Variants in FRMD6 observed in about 807,000 individuals in gnomAD.
FRMD6 encodes the protein FERM domain-containing protein 6.
FRMD6 carries 37 observed loss-of-function variants against 73.2 expected under a neutral mutation model. That is an observed-to-expected ratio of 0.51 (90% confidence interval 0.39 to 0.66). The LOEUF (loss-of-function observed/expected upper bound fraction) is 0.66. Ranked by LOEUF, FRMD6 falls within the 30% of genes least tolerant of loss-of-function variation. The pLI, the probability that FRMD6 is intolerant of heterozygous loss-of-function variation, is 0.00. For synonymous variants in FRMD6, 273 were observed against 282.2 expected, an observed-to-expected ratio of 0.97 and a Z score of 0.33; for missense variants, 714 against 780.5, an observed-to-expected ratio of 0.91 and a Z score of 1.02.
chr14:51,543,581 A>T (rs915148949), intron 1 of FRMD6, among the ~76,000 whole-genome samples: 1 of 151,990 alleles, frequency 6.6e-6, no homozygotes, highest in Non-Finnish European at 1.5e-5. Context: ...AGCACCAAAG[A>T]TAGGAAGATA....
chr14:51,634,276 A>C (rs911814900), intron 2 of FRMD6, among the ~76,000 whole-genome samples: 1 of 152,222 alleles, frequency 6.6e-6, no homozygotes, highest in Non-Finnish European at 1.5e-5. Context: ...AATACATCAG[A>C]TTCTTTGCTA....
intron 1 of FRMD6, among the ~76,000 whole-genome samples, chr14:51,659,028 A>G (rs1223940688): frequency 1.3e-5 from 2 of 152,194 alleles, no homozygotes; most frequent in East Asian, 3.8e-4. Context: ...CAAGTTGCTC[A>G]TGAAATTACT....
intron 2 of FRMD6, among the ~76,000 whole-genome samples, chr14:51,645,703 G>A (rs996698009): frequency 1.3e-5 from 2 of 151,990 alleles, no homozygotes; most frequent in African/African-American, 4.8e-5. Context: ...ACCTGCCTTG[G>A]CCTCCCAAAG....
the FRMD6 span, among the ~76,000 whole-genome samples, chr14:51,480,100 T>C: frequency 6.6e-6 from 1 of 152,162 alleles, no homozygotes; most frequent in Non-Finnish European, 1.5e-5. Flanking sequence ...GAGAAGGCAG[T>C]TGCAACATCC....
chr14:51,405,952 T>A, the FRMD6 span, among the ~76,000 whole-genome samples: 7 of 152,268 alleles, frequency 4.6e-5, no homozygotes, highest in East Asian at 7.7e-4. Context: ...TCTTCCAGGG[T>A]TTTTACAGTT....
In FRMD6 at chr14:51,715,510, G is replaced by T; in HGVS notation, c.1024+11G>T. The T allele has an allele frequency of 6.3e-7, 1 of 1,584,846 alleles. No homozygotes were observed. Among genetic ancestry groups the T allele is most frequent in the South Asian group, 1.1e-5 (1 of 87,200 alleles). The stretch of plus-strand genomic sequence containing the variant: ...TGGAGGAAAACGAAGGTATTGCAGG[G>T]TCTGGGGTGTGGAAGCAAATTGTAC... On this transcript the variant is annotated intron_variant, in intron 10 of 13. Transcript: ENST00000344768.
At chr14:51,642,356 A>G (rs1157703025) in intron 2 of FRMD6, among the ~76,000 whole-genome samples, 1 of 152,166 alleles carries the variant, frequency 6.6e-6, no homozygotes, top group African/African-American at 2.4e-5. Flanking sequence ...CCTGGCCAAC[A>G]TTGTGAAACC....
chr14:51,477,886 C>T, the FRMD6 span, among the ~76,000 whole-genome samples: 344 of 152,042 alleles, frequency 2.3e-3, 3 homozygotes, highest in African/African-American at 7.7e-3. Context: ...ATTACAGGCA[C>T]GTGCCACCAT....
At chr14:51,492,262 G>A (rs1048039306) in intron 1 of FRMD6, among the ~76,000 whole-genome samples, 8 of 152,084 alleles carry the variant, frequency 5.3e-5, no homozygotes, top group African/African-American at 1.9e-4. Flanking sequence ...CTACTCTCAG[G>A]TAGAGTTTGG....
At chr14:51,672,452 T>C (rs895197144) in intron 1 of FRMD6, among the ~76,000 whole-genome samples, 3 of 152,198 alleles carry the variant, frequency 2.0e-5, no homozygotes, top group African/African-American at 7.2e-5. Flanking sequence ...CTGGTTTCTT[T>C]TTGTTTCCTA....
At chr14:51,456,102 T>G in the FRMD6 span, among the ~76,000 whole-genome samples, 1 of 152,222 alleles carries the variant, frequency 6.6e-6, no homozygotes, top group African/African-American at 2.4e-5. Flanking sequence ...TGTTTGTTTC[T>G]GGCTGAATCA....
chr14:51,662,462 T>C (rs921485326), intron 1 of FRMD6, among the ~76,000 whole-genome samples: 5 of 152,024 alleles, frequency 3.3e-5, no homozygotes, highest in African/African-American at 1.2e-4. Flanking sequence ...CATAGAGCAG[T>C]GGAACAGAAT....
At chr14:51,474,728 T>C in the FRMD6 span, among the ~76,000 whole-genome samples, 1 of 152,148 alleles carries the variant, frequency 6.6e-6, no homozygotes, top group African/African-American at 2.4e-5. Flanking sequence ...AGCTTGGAAT[T>C]GAATGTGAAG....
At chr14:51,450,307 A>T in the FRMD6 span, among the ~76,000 whole-genome samples, 1 of 152,178 alleles carries the variant, frequency 6.6e-6, no homozygotes, top group Non-Finnish European at 1.5e-5. Context: ...GAGGATAGGA[A>T]TTACAGCATG....
intron 1 of FRMD6, among the ~76,000 whole-genome samples, chr14:51,686,610 G>T (rs1486422405): frequency 2.0e-5 from 3 of 151,890 alleles, no homozygotes; most frequent in Non-Finnish European, 4.4e-5. Context: ...TATTAAAACT[G>T]ATTTTTTTTT....
At chr14:51,648,108 A>T (rs896611043), upstream of FRMD6, among the ~76,000 whole-genome samples, 2 of 152,204 alleles carry the variant, frequency 1.3e-5, no homozygotes, top group Admixed American at 6.5e-5. Flanking sequence ...TACAGGCATG[A>T]GCCACCGCGC....
chr14:51,437,050 A>G, the FRMD6 span: 1 of 448,292 alleles, frequency 2.2e-6, no homozygotes, highest in Non-Finnish European at 4.1e-6. Context: ...AGTTTGTTAC[A>G]TAGGTATACA....
At chr14:51,583,355 C>T (rs1888842330) in intron 2 of FRMD6, among the ~76,000 whole-genome samples, 2 of 152,144 alleles carry the variant, frequency 1.3e-5, no homozygotes, top group African/African-American at 4.8e-5. Flanking sequence ...GCTTTGAATT[C>T]CCTTGCCAGG....
In FRMD6 at chr14:51,692,616, A is replaced by G. The variant is rs993313840; in HGVS notation, c.99+2681A>G. ...TTCAAATAAATTAATTTATACTAAA[A>G]TCTCAGCTGAGGAAGATAGTTATAG... On this transcript the variant is annotated intron_variant, in intron 2 of 13. Coordinates refer to ENST00000344768, the MANE Select transcript of FRMD6 (RefSeq NM_001267046.2). 50 of 152,302 alleles carry G rather than the reference A, an allele frequency of 3.3e-4. 1 individual carries two copies. Among genetic ancestry groups the G allele is most frequent in the African/African-American group, 1.2e-3 (50 of 41,574 alleles). The allele number at this position is 152,302 out of a possible 1,614,324, so 9.4% of individuals were successfully genotyped here.
Sources: allele counts gnomAD v4.1 joint callset (sites outside exome capture counted in the v4.1 genomes callset), GRCh38; gene constraint gnomAD v4.1.1; transcripts MANE v1.5; gene names NCBI Gene and HGNC (gene_info 2026-07-23, HGNC 2026-07-21).